The following NKTR variants were observed in gnomAD, a reference collection of about 807,000 sequenced individuals.
The protein encoded by NKTR is NK-tumor recognition protein.
In NKTR, 67 loss-of-function variants were observed where a neutral mutation model predicts 156.3. The observed-to-expected ratio is 0.43, with a 90% CI of 0.35 to 0.53. The LOEUF (loss-of-function observed/expected upper bound fraction) is 0.53. Among genes scored for constraint, NKTR ranks in the 20% least tolerant of loss-of-function variants. NKTR has a pLI of 0.01. For missense variants in NKTR, 1,604 were observed against 1,730.9 expected (o/e 0.93, Z 1.30); for synonymous variants, 640 against 596.6 (o/e 1.07, Z -1.06).
At chr3:42,620,147 A>G in intron 5 of NKTR, 3 of 1,426,028 alleles carry the variant, frequency 2.1e-6, no homozygotes, top group Non-Finnish European at 2.8e-6. Flanking sequence ...GGATTTCTAT[A>G]TTGCTTGAAG....
At chr3:42,622,758 A>G (rs1003957410) in intron 6 of NKTR, among the ~76,000 whole-genome samples, 2 of 152,044 alleles carry the variant, frequency 1.3e-5, no homozygotes, top group African/African-American at 2.4e-5. Context: ...GTAGAAAGAA[A>G]TATTTTCAGA....
In NKTR at chr3:42,646,092, C is replaced by CT. The variant is rs1197156131; in HGVS notation, c.*119dup. The CT allele has an allele frequency of 9.1e-6, 6 of 662,026 alleles. No homozygotes were observed. The highest frequency in any genetic ancestry group is 1.6e-5 in the Non-Finnish European group (6 of 373,914). The allele number at this position is 662,026 out of a possible 1,614,324, so 41.0% of individuals were successfully genotyped here. Reference sequence around the variant, plus strand: ...CAGAGGTGAATTTCAAAAATAGACACTTCTTAATTGTTACTGGTTCATTTA... The same window carrying CT: ...CAGAGGTGAATTTCAAAAATAGACACTTTCTTAATTGTTACTGGTTCATTTA... On this transcript the variant is annotated 3_prime_UTR_variant, in exon 17 of 17. Transcript: ENST00000232978.
chr3:42,627,109 CAA>C (rs1398449789), intron 6 of NKTR: 9 of 840,708 alleles, frequency 1.1e-5, no homozygotes, highest in Non-Finnish European at 1.3e-5. Context: ...TAATTAATTT[CAA>C]AGTTATATTG....
intron 2 of NKTR, chr3:42,612,203 TA>T (rs1706895959): frequency 6.6e-6 from 1 of 152,050 alleles, no homozygotes; most frequent in African/African-American, 2.4e-5. Flanking sequence ...TACCATTTTT[TA>T]AAGGAAGAAA....
chr3:42,636,805 G>A, intron 12 of NKTR, 63 bp from the exon 13 acceptor site: 1 of 1,491,930 alleles, frequency 6.7e-7, no homozygotes, highest in South Asian at 1.5e-5. Context: ...TAACAAAGCT[G>A]TGTCTTAAGG....
intron 8 of NKTR, 127 bp downstream of exon 8, chr3:42,631,443 A>G (rs892137181): frequency 2.8e-6 from 3 of 1,059,248 alleles, no homozygotes; most frequent in Non-Finnish European, 4.0e-6. Context: ...ATCATACCCT[A>G]CATGTTTAAT....
intron 9 of NKTR, 126 bp downstream of exon 9, chr3:42,632,949 T>C (rs766358397): frequency 4.6e-5 from 61 of 1,320,180 alleles, no homozygotes; most frequent in Non-Finnish European, 5.7e-5. Flanking sequence ...TTTTAAACTT[T>C]AAATTGAAAT....
chr3:42,603,403 CA>C (rs1268723298), intron 2 of NKTR, among the ~76,000 whole-genome samples: 1 of 126,792 alleles, frequency 7.9e-6, no homozygotes, highest in Non-Finnish European at 1.8e-5. Flanking sequence ...AGAAAAAGTA[CA>C]AATAAAAATT....
At chr3:42,627,912 T>TG in intron 6 of NKTR, 1 of 985,284 alleles carries the variant, frequency 1.0e-6, no homozygotes, top group African/African-American at 1.7e-5. Context: ...TTTTGAAAGA[T>TG]TAAGAGTTAG....
Position 42,637,423 on chromosome 3 carries a change from G to A in NKTR, c.1719G>A (p.Gln573=), listed in dbSNP as rs1426082553. 1.2e-6 allele frequency: 2 copies of A among 1,613,182 alleles called. No homozygotes were observed. The highest frequency in any genetic ancestry group is 1.3e-5 in the African/African-American group (1 of 74,812). ...ASKSPRKTAS[Q]LSENKPVKTE... is the part of the protein sequence containing the mutation. ...AATCACCAAGAAAAACAGCTTCTCA[G>A]TTAAGTGAAAATAAACCAGTTAAAA... Residue 573 remains glutamine, a synonymous_variant, in exon 13 of 17, where the codon CAG becomes CAA. Coordinates refer to ENST00000232978, the MANE Select transcript of NKTR (RefSeq NM_005385.4).
chr3:42,642,245 T>C (rs1012950047), intron 13 of NKTR, among the ~76,000 whole-genome samples: 1 of 152,208 alleles, frequency 6.6e-6, no homozygotes, highest in Non-Finnish European at 1.5e-5. Context: ...CTCAGTGTTA[T>C]TGGTGTTATA....
Position 42,639,438 on chromosome 3 carries a change from C to A in NKTR, c.3734C>A (p.Ala1245Asp). Residue 1245 changes from alanine to aspartate, a missense_variant, in exon 13 of 17, where the codon GCT (alanine) becomes GAT (aspartate). Transcript: ENST00000232978. ...LAAPNAATSS[A>D]VEVKVLTTVP... is the part of the protein sequence containing the mutation. ...GCACCTAATGCTGCCACATCCAGTG[C>A]TGTGGAAGTTAAGGTGTTGACCACT... The A allele has an allele frequency of 6.2e-7, 1 of 1,614,028 alleles. No individual in the cohort carries two copies. Among genetic ancestry groups the A allele is most frequent in the Non-Finnish European group, 8.5e-7 (1 of 1,179,862 alleles).
At chr3:42,641,436 G>A (rs565139279) in intron 13 of NKTR, among the ~76,000 whole-genome samples, 45 of 152,272 alleles carry the variant, frequency 3.0e-4, no homozygotes, top group African/African-American at 1.0e-3. Context: ...CCTAAAGTAG[G>A]GGAGAAGGGT....
chr3:42,622,334 C>A (rs528114679), intron 6 of NKTR, among the ~76,000 whole-genome samples: 1 of 152,072 alleles, frequency 6.6e-6, no homozygotes, highest in South Asian at 2.1e-4. Flanking sequence ...GATAACTGTC[C>A]AGCATGAGGG....
chr3:42,620,275 A>C, intron 5 of NKTR: 1 of 1,236,596 alleles, frequency 8.1e-7, no homozygotes. Flanking sequence ...TTTTCCCCTA[A>C]ACCAAGCAAT....
At chr3:42,607,951 C>A (rs1224370434) in intron 2 of NKTR, among the ~76,000 whole-genome samples, 10 of 126,710 alleles carry the variant, frequency 7.9e-5, no homozygotes, top group Admixed American at 8.6e-5. Context: ...GCATGCCAAT[C>A]GCAAGTCCTG....
At chr3:42,632,558 C>A in intron 8 of NKTR, 43 bp from the exon 9 acceptor site, 1 of 1,186,824 alleles carries the variant, frequency 8.4e-7, no homozygotes. Context: ...GAAAGGTAGG[C>A]ACTGAATTTA....
Position 42,633,625 on chromosome 3 carries a change from C to G in NKTR, c.819C>G (p.Ser273=). The G allele has an allele frequency of 6.2e-7, 1 of 1,614,068 alleles. No individual in the cohort carries two copies. The change falls in exon 10 of 17, where the codon TCC becomes TCG. Residue 273 remains serine, a synonymous_variant. Coordinates refer to ENST00000232978, the MANE Select transcript of NKTR (RefSeq NM_005385.4). The part of the protein sequence containing the change: ...SDTNEKRSVD[S]SAKREKPVVR... Reference sequence around the variant, plus strand: ...CCAATGAAAAAAGGTCAGTTGATTCCAGTGCTAAAAGGGAAAAACCTGTGG... The same window carrying G: ...CCAATGAAAAAAGGTCAGTTGATTCGAGTGCTAAAAGGGAAAAACCTGTGG...
chr3:42,610,588 C>G (rs532442898), intron 2 of NKTR, among the ~76,000 whole-genome samples: 1 of 150,340 alleles, frequency 6.7e-6, no homozygotes, highest in Admixed American at 6.6e-5. Flanking sequence ...TGGTTTCTAT[C>G]GTGGGATTTT....
Sources: allele counts gnomAD v4.1 joint callset (sites outside exome capture counted in the v4.1 genomes callset), GRCh38; gene constraint gnomAD v4.1.1; transcripts MANE v1.5; gene names NCBI Gene and HGNC (gene_info 2026-07-23, HGNC 2026-07-21).